Variants in NOTCH2 observed in about 807,000 individuals in gnomAD.
NOTCH2 encodes the protein neurogenic locus notch homolog protein 2.
NOTCH2 carries 29 observed loss-of-function variants against 235.8 expected under a neutral mutation model. The observed-to-expected ratio is 0.12, with a 90% CI of 0.09 to 0.17. NOTCH2 has a LOEUF of 0.17. NOTCH2 is among the 10% of genes least tolerant of loss of function. The pLI is 1.00. For synonymous variants in NOTCH2, 1,086 were observed against 1,141.5 expected, an observed-to-expected ratio of 0.95 and a Z score of 0.98; for missense variants, 2,285 against 3,150.2, an observed-to-expected ratio of 0.73 and a Z score of 6.57.
chr1:119,940,163 C>T (rs1021219320), intron 19 of NOTCH2, among the ~76,000 whole-genome samples: 4 of 152,144 alleles, frequency 2.6e-5, no homozygotes, highest in African/African-American at 7.2e-5. Flanking sequence ...CAAGATACAA[C>T]AATTATCATT....
At chr1:120,015,138 A>C (rs1738682) in intron 2 of NOTCH2, among the ~76,000 whole-genome samples, 1 of 152,158 alleles carries the variant, frequency 6.6e-6, no homozygotes, top group African/African-American at 2.4e-5. Context: ...TTTTAAAAAA[A>C]CTATACAGAA....
chr1:119,964,510 G>T (rs1553199419), intron 10 of NOTCH2, among the ~76,000 whole-genome samples: 2 of 152,120 alleles, frequency 1.3e-5, no homozygotes, highest in African/African-American at 4.8e-5. Flanking sequence ...ACAAAATCTG[G>T]ATTCTCTGAC....
rs2101156976 is a variant in NOTCH2 at position 119,922,876 on chromosome 1, C to G, written c.4860-98G>C. ...ATGTCATAAAGGGTGACAGGAGCCT[C>G]CCTTCCTCCCCTTCAGCATCAGGTC... is the stretch of plus-strand genomic sequence containing the variant. On this transcript the variant is annotated intron_variant, in intron 26 of 33. Transcript: ENST00000256646. 3 of 1,445,950 alleles carry G rather than the reference C, an allele frequency of 2.1e-6. No individual in the cohort carries two copies. In the East Asian group the frequency reaches 6.8e-5, roughly 33 times the overall value. 89.6% of individuals were successfully genotyped at this position (1,445,950 alleles called of 1,614,324 possible).
At chr1:120,006,101 TAGTA>T (rs1553206248) in intron 2 of NOTCH2, among the ~76,000 whole-genome samples, 1 of 152,146 alleles carries the variant, frequency 6.6e-6, no homozygotes, top group Non-Finnish European at 1.5e-5. Context: ...CATTGAGAAA[TAGTA>T]AGCGCTTCTT....
rs771230017 is a variant in NOTCH2 at position 119,918,472 on chromosome 1, C to A, written c.5863G>T (p.Ala1955Ser). The A allele has an allele frequency of 1.9e-6, 3 of 1,614,064 alleles. No homozygotes were observed. Among genetic ancestry groups the A allele is most frequent in the Non-Finnish European group, 2.5e-6 (3 of 1,180,028 alleles). The change falls in exon 32 of 34, where the codon GCT becomes TCT. Residue 1955 changes from alanine (A) to serine (S), a missense_variant. By Grantham distance (99) the Ala-to-Ser change is moderately conservative (BLOSUM62 1). Transcript: ENST00000256646. ...TTPLILAARL[A>S]VEGMVAELIN... Reference sequence around the variant, plus strand: ...AGTTCTGCCACCATTCCCTCCACAGCCAGGCGGGCAGCCAGGATCAGGGGT... The same window carrying A: ...AGTTCTGCCACCATTCCCTCCACAGACAGGCGGGCAGCCAGGATCAGGGGT...
intron 1 of NOTCH2, among the ~76,000 whole-genome samples, chr1:120,066,079 T>C (rs1330351126): frequency 6.6e-6 from 1 of 152,006 alleles, no homozygotes; most frequent in African/African-American, 2.4e-5. Flanking sequence ...ATCATCTAAA[T>C]ATATGAAGCC....
At chr1:119,986,792 G>A (rs980938297) in intron 5 of NOTCH2, among the ~76,000 whole-genome samples, 168 bp downstream of exon 5, 21 of 152,216 alleles carry the variant, frequency 1.4e-4, no homozygotes, top group African/African-American at 4.8e-4. Flanking sequence ...ATAGGAAAAT[G>A]TATGAGGTTA....
intron 22 of NOTCH2, among the ~76,000 whole-genome samples, chr1:119,929,881 T>A (rs112187814): frequency 1.3e-5 from 2 of 152,252 alleles, no homozygotes; most frequent in Non-Finnish European, 2.9e-5. Flanking sequence ...TCATAGTAAA[T>A]GCCCTATACA....
rs139763144 is a variant in NOTCH2, at chr1:119,960,203, A to G, written c.1916-701T>C. ...TCATTTTGAGGAAAAGCAAATTGAC[A>G]GTATTTTTGCCAAAGATAAAACTTA... On this transcript the variant is annotated intron_variant, in intron 11 of 33. Coordinates refer to ENST00000256646, the MANE Select transcript of NOTCH2 (RefSeq NM_024408.4). 2.9e-3 allele frequency among the ~76,000 whole-genome samples: 445 copies of G among 152,328 alleles called. 10 individuals are homozygous for G. The highest frequency in any genetic ancestry group is 2.9e-4 in the Non-Finnish European group (20 of 68,024).
At chr1:119,950,577 T>C (rs1650433885) in intron 15 of NOTCH2, 147 bp downstream of exon 15, 1 of 720,176 alleles carries the variant, frequency 1.4e-6, no homozygotes. Flanking sequence ...AAGCTCAAGA[T>C]CCAGTCAGTA....
chr1:120,067,633 G>C (rs1488115394), intron 1 of NOTCH2, among the ~76,000 whole-genome samples: 1 of 152,160 alleles, frequency 6.6e-6, no homozygotes, highest in African/African-American at 2.4e-5. Context: ...GTTAATGATA[G>C]ACCAAGGATT....
At position 120,069,347 on chromosome 1, in the gene NOTCH2, C is replaced by A. The variant is rs782104892; in HGVS notation, c.60G>T (p.Ala20=). The change falls in exon 1 of 34, where the codon GCG becomes GCT. Residue 20 remains alanine, a synonymous_variant. Transcript: ENST00000256646. ...WALLALWLCC[A]APAHALQCRD... The stretch of plus-strand genomic sequence containing the variant: ...CCCGATACTCACCATGCGCGGGGGC[C>A]GCGCAGCACAGCCAGAGCGCCAGCA... 4.4e-5 allele frequency: 69 copies of A among 1,570,252 alleles called. 2 individuals carry two copies. Among genetic ancestry groups the A allele is most frequent in the Middle Eastern group, 4.3e-4 (2 of 4,642 alleles).
chr1:119,963,525 T>G, intron 11 of NOTCH2, 49 bp downstream of exon 11: 3 of 1,483,752 alleles, frequency 2.0e-6, no homozygotes, highest in Non-Finnish European at 2.8e-6. Flanking sequence ...GTAAACAGAT[T>G]TGAGAAACAG....
At chr1:119,952,865 T>G (rs1650534312) in intron 14 of NOTCH2, among the ~76,000 whole-genome samples, 1 of 152,242 alleles carries the variant, frequency 6.6e-6, no homozygotes, top group East Asian at 1.9e-4. Context: ...TTCCTTGATA[T>G]TACTACTATC....
At chr1:119,950,622 G>A in intron 15 of NOTCH2, 102 bp downstream of exon 15, 1 of 797,158 alleles carries the variant, frequency 1.3e-6, no homozygotes, top group Admixed American at 1.7e-5. Flanking sequence ...TGAGCCCTCG[G>A]AGGAGCATTA....
At chr1:119,968,709 C>A (rs1651247032) in intron 6 of NOTCH2, among the ~76,000 whole-genome samples, 1 of 152,214 alleles carries the variant, frequency 6.6e-6, no homozygotes, top group African/African-American at 2.4e-5. Context: ...CACCATCAGC[C>A]TCTACTAGAG....
chr1:119,924,777 G>A (rs1460778371), intron 25 of NOTCH2, among the ~76,000 whole-genome samples: 3 of 152,188 alleles, frequency 2.0e-5, no homozygotes, highest in African/African-American at 7.2e-5. Flanking sequence ...CCTATGCCTC[G>A]TGAGTTGCTG....
At position 119,997,340 on chromosome 1, in the gene NOTCH2, A is replaced by G; in HGVS notation, c.416-8T>C. ...TCCATTGGCACTCCTTACCTAAAGG[A>G]AGGATAACAAAACTCAGTACTGGCC... is the stretch of plus-strand genomic sequence containing the variant. On this transcript the variant is annotated splice_polypyrimidine_tract_variant and splice_region_variant and intron_variant, in intron 3 of 33. Transcript: ENST00000256646. The G allele has an allele frequency of 6.2e-7, 1 of 1,613,894 alleles. No individual in the cohort carries two copies. The highest frequency in any genetic ancestry group is 8.5e-7 in the Non-Finnish European group (1 of 1,179,778).
chr1:120,003,921 G>C (rs1165783551), intron 3 of NOTCH2, among the ~76,000 whole-genome samples: 2 of 152,128 alleles, frequency 1.3e-5, no homozygotes, highest in Non-Finnish European at 2.9e-5. Flanking sequence ...GGTGTGACTA[G>C]GCCTAGATGC....
Sources: allele counts gnomAD v4.1 joint callset (sites outside exome capture counted in the v4.1 genomes callset), GRCh38; gene constraint gnomAD v4.1.1; transcripts MANE v1.5; gene names NCBI Gene and HGNC (gene_info 2026-07-23, HGNC 2026-07-21).